TMEM39A: variants seen among roughly 807,000 people sequenced by gnomAD.
TMEM39A encodes the protein transmembrane protein 39A.
A neutral mutation model predicts 51.9 loss-of-function variants in TMEM39A; 19 were observed. That is an observed-to-expected ratio of 0.37 (90% CI 0.26 to 0.54). The LOEUF (loss-of-function observed/expected upper bound fraction) is 0.54. Among genes scored for constraint, TMEM39A ranks in the 20% least tolerant of loss-of-function variants. TMEM39A has a pLI of 0.88. For missense variants in TMEM39A, 433 were observed against 590.5 expected (o/e 0.73, Z 2.76); for synonymous variants, 197 against 220.2 (o/e 0.89, Z 0.93).
chr3:119,447,206 G>C lies in TMEM39A; in HGVS notation c.421-34C>G, dbSNP rs745491591. On this transcript the variant is annotated intron_variant, in intron 4 of 8. Transcript: ENST00000319172. ...TTGGAAGCACCAAAATGAACATTTT[G>C]TAAATGATCTTCTTCAAAAGCATTG... is the stretch of plus-strand genomic sequence containing the variant. 3 of 1,595,834 alleles carry C rather than the reference G, an allele frequency of 1.9e-6. No homozygotes were observed. The South Asian group carries it at 3.4e-5, about 18-fold the overall frequency.
intron 5 of TMEM39A, among the ~76,000 whole-genome samples, chr3:119,444,450 T>C (rs559144688): frequency 3.9e-5 from 6 of 152,344 alleles, no homozygotes; most frequent in South Asian, 2.1e-4. Context: ...ACAAGGGTAA[T>C]ATTAATGAAT....
At chr3:119,434,086 C>T (rs1005692965) in intron 8 of TMEM39A, among the ~76,000 whole-genome samples, 3 of 152,186 alleles carry the variant, frequency 2.0e-5, no homozygotes, top group African/African-American at 7.2e-5. Context: ...AAACAGTCCC[C>T]TGCAGGCACC....
intron 2 of TMEM39A, among the ~76,000 whole-genome samples, chr3:119,461,744 T>C (rs1287501634): frequency 6.6e-6 from 1 of 152,186 alleles, no homozygotes; most frequent in African/African-American, 2.4e-5. Flanking sequence ...TCAGCCAAAA[T>C]AAAGAATGGG....
At position 119,438,074 on chromosome 3, in the gene TMEM39A, A is replaced by G. The variant is rs983077108; in HGVS notation, c.605T>C (p.Phe202Ser). ...AAGATGTGCTCTACTATCTTGATGA[A>G]AACAGCAAAGAGGAACATAAACACC... ...PFGVYVPLCC[F>S]HQDSRAHLLL... Residue 202 changes from phenylalanine (F) to serine (S), a missense_variant, in exon 6 of 9, where the codon TTT (phenylalanine) becomes TCT (serine). Coordinates refer to ENST00000319172, the MANE Select transcript of TMEM39A (RefSeq NM_018266.3). 1.3e-6 allele frequency: 2 copies of G among 1,593,184 alleles called. No individual in the cohort carries two copies. The highest frequency in any genetic ancestry group is 2.7e-5 in the African/African-American group (2 of 74,590).
chr3:119,452,332 G>A (rs1430219537), intron 4 of TMEM39A, 115 bp downstream of exon 4: 4 of 669,882 alleles, frequency 6.0e-6, no homozygotes, highest in East Asian at 3.0e-5. Flanking sequence ...AACTCACATG[G>A]GAGTAAAGTA....
chr3:119,441,104 ATCTC>A (rs2081047793), intron 5 of TMEM39A, among the ~76,000 whole-genome samples: 1 of 152,136 alleles, frequency 6.6e-6, no homozygotes, highest in Non-Finnish European at 1.5e-5. Flanking sequence ...CCATTCCCCC[ATCTC>A]TCTCCCTCAC....
intron 4 of TMEM39A, among the ~76,000 whole-genome samples, chr3:119,449,019 T>C (rs1359605204): frequency 1.3e-5 from 2 of 152,140 alleles, no homozygotes; most frequent in Non-Finnish European, 2.9e-5. Context: ...ATGAGTGCTA[T>C]AGGAAGAGTA....
chr3:119,460,293 T>C (rs1009922579), intron 2 of TMEM39A, among the ~76,000 whole-genome samples: 17 of 152,094 alleles, frequency 1.1e-4, no homozygotes, highest in Middle Eastern at 6.8e-3. Flanking sequence ...AGAGCTACAG[T>C]GAAGGCAGAG....
chr3:119,433,266 C>T (rs1323194990), intron 8 of TMEM39A, among the ~76,000 whole-genome samples: 1 of 152,168 alleles, frequency 6.6e-6, no homozygotes, highest in East Asian at 1.9e-4. Flanking sequence ...AATAGGCACA[C>T]TTTAAATGAC....
chr3:119,454,368 C>A (rs2081238209), intron 3 of TMEM39A, among the ~76,000 whole-genome samples: 1 of 152,156 alleles, frequency 6.6e-6, no homozygotes, highest in East Asian at 1.9e-4. Context: ...CAGTATTTAT[C>A]CCCTCCTATT....
At chr3:119,463,118 C>T (rs979523650) in intron 1 of TMEM39A, among the ~76,000 whole-genome samples, 7 of 152,220 alleles carry the variant, frequency 4.6e-5, no homozygotes, top group African/African-American at 1.7e-4. Context: ...GTCCTTGCTC[C>T]ATTAACAAGC....
chr3:119,462,633 A>AGGGGGG (rs1200172060), intron 1 of TMEM39A, among the ~76,000 whole-genome samples: 39 of 2,244 alleles, frequency 0.017, 3 homozygotes, highest in East Asian at 0.038. Context: ...TGTTTCTTCA[A>AGGGGGG]GGGGGGGGGG....
chr3:119,437,030 C>G, intron 6 of TMEM39A, 52 bp from the exon 7 acceptor site: 1 of 1,548,856 alleles, frequency 6.5e-7, no homozygotes, highest in Non-Finnish European at 8.8e-7. Flanking sequence ...TAAAAAGAGG[C>G]AGGGATGGGT....
chr3:119,454,783 G>A (rs910550670), intron 3 of TMEM39A, among the ~76,000 whole-genome samples: 7 of 151,314 alleles, frequency 4.6e-5, no homozygotes, highest in Non-Finnish European at 7.4e-5. Flanking sequence ...GCCAAACTCC[G>A]TCTCAAAAAA....
chr3:119,451,186 T>C, intron 4 of TMEM39A: 2 of 1,195,752 alleles, frequency 1.7e-6, no homozygotes, highest in Non-Finnish European at 2.1e-6. Context: ...GTTCCTACTG[T>C]GAAAAACAAG....
chr3:119,443,736 C>T (rs1181074503), intron 5 of TMEM39A, among the ~76,000 whole-genome samples: 1 of 151,830 alleles, frequency 6.6e-6, no homozygotes, highest in African/African-American at 2.4e-5. Flanking sequence ...GGCAACAAAA[C>T]GAGACCCGAT....
Position 119,432,188 on chromosome 3 carries a change from CAGCCTTA to C in TMEM39A, c.1253_1259del (p.Leu418CysfsTer2). 1 of 1,612,116 alleles carries C rather than the reference CAGCCTTA, an allele frequency of 6.2e-7. No individual in the cohort carries two copies. The highest frequency in any genetic ancestry group is 8.5e-7 in the Non-Finnish European group (1 of 1,178,800). ...CCTCAATAAGGATGAGCAGATTTAA[CAGCCTTA>C]ATGGTCGATGAAATAAGAACTGTAA... On this transcript the variant is annotated frameshift_variant, in exon 9 of 9. Coordinates refer to ENST00000319172, the MANE Select transcript of TMEM39A (RefSeq NM_018266.3). LOFTEE classifies it high-confidence loss of function.
At chr3:119,459,181 A>C (rs1370379178) in intron 2 of TMEM39A, among the ~76,000 whole-genome samples, 3 of 152,244 alleles carry the variant, frequency 2.0e-5, no homozygotes, top group Non-Finnish European at 4.4e-5. Flanking sequence ...ATGACTAGTA[A>C]ACAGTTCCCT....
chr3:119,461,162 G>A (rs1259770526), intron 2 of TMEM39A, among the ~76,000 whole-genome samples: 4 of 151,970 alleles, frequency 2.6e-5, no homozygotes, highest in Non-Finnish European at 5.9e-5. Flanking sequence ...AACAAAACTC[G>A]GATTAAAAAT....
Sources: allele counts gnomAD v4.1 joint callset (sites outside exome capture counted in the v4.1 genomes callset), GRCh38; gene constraint gnomAD v4.1.1; transcripts MANE v1.5; gene names NCBI Gene and HGNC (gene_info 2026-07-23, HGNC 2026-07-21).